The following RPS6KA2 variants were observed in gnomAD, a reference collection of about 807,000 sequenced individuals.
RPS6KA2 encodes ribosomal protein S6 kinase alpha-2.
Under a neutral mutation model 91.8 loss-of-function variants are expected in RPS6KA2, and 42 were observed. The observed-to-expected ratio is 0.46, with a 90% CI of 0.36 to 0.59. The LOEUF is 0.59. Among genes scored for constraint, RPS6KA2 ranks in the 20% least tolerant of loss-of-function variants. The pLI is 0.00. For missense variants in RPS6KA2, 798 were observed against 978.5 expected (o/e 0.82, Z 2.46); for synonymous variants, 414 against 393.6 (o/e 1.05, Z -0.61).
intron 1 of RPS6KA2, chr6:166,858,384 A>T (rs1346396131): frequency 6.1e-6 from 4 of 652,374 alleles, no homozygotes; most frequent in Non-Finnish European, 2.8e-6. Context: ...AGGACATGGA[A>T]ACCATATCAC....
intron 2 of RPS6KA2, among the ~76,000 whole-genome samples, chr6:166,717,785 C>A (rs1223556747): frequency 6.6e-6 from 1 of 152,100 alleles, no homozygotes; most frequent in African/African-American, 2.4e-5. Context: ...GAGGCAAGCC[C>A]ATTTGTTATA....
chr6:166,558,724 G>A (rs911506867), intron 1 of RPS6KA2, among the ~76,000 whole-genome samples: 3 of 152,170 alleles, frequency 2.0e-5, no homozygotes, highest in Non-Finnish European at 2.9e-5. Context: ...GTGGCAAACC[G>A]TGAGAAGTAG....
chr6:166,552,706 G>A (rs370876359), intron 1 of RPS6KA2, among the ~76,000 whole-genome samples: 2 of 152,216 alleles, frequency 1.3e-5, no homozygotes, highest in East Asian at 3.9e-4. Context: ...ATGCCAAAAA[G>A]TCCACTATTT....
chr6:166,501,409 C>T (rs1393804854), intron 6 of RPS6KA2, among the ~76,000 whole-genome samples: 1 of 152,240 alleles, frequency 6.6e-6, no homozygotes. Flanking sequence ...CCAGACCCAC[C>T]CAGGTGAGGC....
chr6:166,538,609 G>C (rs1783555801), intron 2 of RPS6KA2, 59 bp downstream of exon 2: 1 of 971,356 alleles, frequency 1.0e-6, no homozygotes, highest in Non-Finnish European at 1.7e-6. Context: ...GGGGGGCTCT[G>C]TCCAGGTGTC....
intron 2 of RPS6KA2, among the ~76,000 whole-genome samples, chr6:166,773,666 C>A (rs891185614): frequency 3.6e-4 from 55 of 152,220 alleles, no homozygotes; most frequent in African/African-American, 1.3e-3. Flanking sequence ...TCCCGAAACA[C>A]TGGGATTACA....
intron 12 of RPS6KA2, among the ~76,000 whole-genome samples, chr6:166,452,405 T>C (rs1266245028): frequency 6.6e-6 from 1 of 152,080 alleles, no homozygotes; most frequent in African/African-American, 2.4e-5. Flanking sequence ...CCCAAAGCAA[T>C]CTACAGATTC....
rs147389590 is a variant in RPS6KA2 at position 166,531,281 on chromosome 6, G to A, written c.249C>T (p.Asp83=). ...CCTTCATGGCGTAGAGCTGCCCAGC[G>A]TCGGACCCCTTCACCTTCCTCACCA... is the stretch of plus-strand genomic sequence containing the variant. ...VFLVRKVKGS[D]AGQLYAMKVL... Residue 83 remains aspartate, a synonymous_variant, in exon 3 of 21, where the codon GAC becomes GAT. Coordinates refer to ENST00000265678, the MANE Select transcript of RPS6KA2 (RefSeq NM_021135.6). 72 of 1,613,964 alleles carry A rather than the reference G, an allele frequency of 4.5e-5. No individual in the cohort carries two copies. In the Middle Eastern group the frequency reaches 6.6e-4, roughly 15 times the overall value.
At chr6:166,785,207 G>A (rs1379306740) in intron 2 of RPS6KA2, among the ~76,000 whole-genome samples, 2 of 152,224 alleles carry the variant, frequency 1.3e-5, no homozygotes, top group Non-Finnish European at 2.9e-5. Flanking sequence ...AATTCTTGAT[G>A]TAAGCCTCTG....
At chr6:166,447,805 G>A (rs1033469173) in intron 14 of RPS6KA2, among the ~76,000 whole-genome samples, 3 of 152,194 alleles carry the variant, frequency 2.0e-5, no homozygotes, top group Admixed American at 6.5e-5. Flanking sequence ...TGCTACAGAC[G>A]TGTCTGGGAA....
chr6:166,491,070 G>A (rs904479197), intron 8 of RPS6KA2, among the ~76,000 whole-genome samples: 3 of 152,148 alleles, frequency 2.0e-5, no homozygotes, highest in Non-Finnish European at 2.9e-5. Flanking sequence ...CATCTTACAC[G>A]CGGTTTAGGA....
intron 2 of RPS6KA2, among the ~76,000 whole-genome samples, chr6:166,668,740 C>T (rs1788388732): frequency 6.6e-6 from 1 of 152,152 alleles, no homozygotes; most frequent in Non-Finnish European, 1.5e-5. Context: ...AAATGAAAAC[C>T]AGAAACTGGT....
At chr6:166,701,033 T>C (rs537129707) in intron 2 of RPS6KA2, 37 of 1,265,444 alleles carry the variant, frequency 2.9e-5, no homozygotes, top group Admixed American at 1.5e-4. Context: ...CGCCTGTCTG[T>C]TTGTTAAGCA....
At position 166,666,461 on chromosome 6, in the gene RPS6KA2, A is replaced by G. The variant is rs151001049; in HGVS notation, c.124-127677T>C. Among the ~76,000 whole-genome samples the G allele has an allele frequency of 6.6e-6, 1 of 152,354 alleles. No individual in the cohort carries two copies. Among genetic ancestry groups the G allele is most frequent in the East Asian group, 1.9e-4 (1 of 5,190 alleles). On this transcript the variant is annotated intron_variant, in intron 2 of 21. Transcript: ENST00000503859. This position sits in a 1 kb window ranked among gnomAD's most constrained non-coding sequence, Gnocchi z 4.0. The stretch of plus-strand genomic sequence containing the variant: ...TAAAATATAAGGATAATTTCACCAA[A>G]GAAGATATACAAATGACCAAGAAGC...
chr6:166,582,504 A>G (rs1355807868), intron 1 of RPS6KA2, among the ~76,000 whole-genome samples: 2 of 152,224 alleles, frequency 1.3e-5, no homozygotes, highest in Admixed American at 6.5e-5. Flanking sequence ...ACGATCACAA[A>G]TTACATTCCA....
At chr6:166,441,216 C>T (rs1779509400) in intron 14 of RPS6KA2, among the ~76,000 whole-genome samples, 1 of 152,156 alleles carries the variant, frequency 6.6e-6, no homozygotes, top group South Asian at 2.1e-4. Flanking sequence ...TAGTCCCGGC[C>T]TCTGTGCCTG....
intron 2 of RPS6KA2, among the ~76,000 whole-genome samples, chr6:166,638,179 C>T (rs1787309437): frequency 6.6e-6 from 1 of 152,238 alleles, no homozygotes; most frequent in Non-Finnish European, 1.5e-5. Context: ...GCATTAGAGC[C>T]AGGCTTCAAA....
chr6:166,647,378 G>T (rs780546224), intron 2 of RPS6KA2, among the ~76,000 whole-genome samples: 1 of 152,126 alleles, frequency 6.6e-6, no homozygotes, highest in Admixed American at 6.5e-5. Flanking sequence ...TCTTCTTGCC[G>T]GGTTAGTGCA....
chr6:166,570,116 C>T (rs1380352479), intron 1 of RPS6KA2, among the ~76,000 whole-genome samples: 1 of 152,206 alleles, frequency 6.6e-6, no homozygotes, highest in Non-Finnish European at 1.5e-5. Context: ...CAAAGGGACA[C>T]GTTCCCACAA....
Sources: gnomAD v4.1 joint callset for allele counts (sites outside exome capture counted in the v4.1 genomes callset) on GRCh38, gnomAD v4.1.1 for gene constraint, Gnocchi (gnomAD v3.1) non-coding constraint, MANE v1.5 for transcripts, NCBI Gene and HGNC (gene_info 2026-07-23, HGNC 2026-07-21) for gene names.